Variants in ZNF273 observed in about 807,000 individuals in gnomAD.
ZNF273 encodes zinc finger protein 9.
A neutral mutation model predicts 14.9 loss-of-function variants in ZNF273; 11 were observed. That is an observed-to-expected ratio of 0.74 (90% CI 0.46 to 1.22). ZNF273 has a LOEUF of 1.22. Ranked by LOEUF, ZNF273 falls within the 50% of genes most tolerant of loss-of-function variation. ZNF273 has a pLI of 0.00. For synonymous variants in ZNF273, 199 were observed against 223.9 expected (o/e 0.89, Z 0.99); for missense variants, 577 against 660.6 (o/e 0.87, Z 1.39).
chr7:64,912,791 C>G (rs1470818026), intron 1 of ZNF273, among the ~76,000 whole-genome samples: 2 of 120,276 alleles, frequency 1.7e-5, no homozygotes, highest in East Asian at 4.7e-4. Flanking sequence ...CTAAATAAAC[C>G]CTTTGTTTTT....
chr7:64,909,327 C>T (rs887624443), intron 1 of ZNF273, among the ~76,000 whole-genome samples: 8 of 151,798 alleles, frequency 5.3e-5, no homozygotes, highest in African/African-American at 1.7e-4. Flanking sequence ...CAGGCTCGAG[C>T]GACTCTCCTG....
chr7:64,889,266 G>C (rs1791810364), downstream of ZNF273: 1 of 984,728 alleles, frequency 1.0e-6, no homozygotes, highest in Non-Finnish European at 1.2e-6. This position sits in a 1 kb window ranked among gnomAD's most constrained non-coding sequence, Gnocchi z 4.2. Flanking sequence ...CAAAGGGCCG[G>C]GAGGTCGGGC....
upstream of ZNF273, among the ~76,000 whole-genome samples, chr7:64,899,380 C>A (rs1016638044): frequency 6.6e-6 from 1 of 152,190 alleles, no homozygotes; most frequent in Non-Finnish European, 1.5e-5. Flanking sequence ...TTATGCCAGG[C>A]GCAGTGGCTC....
intron 3 of ZNF273, among the ~76,000 whole-genome samples, chr7:64,918,868 A>G (rs1022104035): frequency 6.6e-6 from 1 of 152,108 alleles, no homozygotes; most frequent in Non-Finnish European, 1.5e-5. Context: ...TATTCCTGGC[A>G]TATAGGAAAC....
At chr7:64,893,525 G>C (rs1013219591), downstream of ZNF273, 2 of 152,144 alleles carry the variant, frequency 1.3e-5, no homozygotes, top group Non-Finnish European at 2.9e-5. Context: ...TACTTCTCTG[G>C]CTCCCCTATT....
chr7:64,888,486 A>G, intron 1 of ZNF273: 2 of 985,844 alleles, frequency 2.0e-6, no homozygotes, highest in Non-Finnish European at 2.4e-6. Context: ...CCTCTGTCAA[A>G]TGGGCCCACG....
chr7:64,922,237 A>G (rs981477740), intron 3 of ZNF273, among the ~76,000 whole-genome samples: 6 of 151,536 alleles, frequency 4.0e-5, no homozygotes, highest in Non-Finnish European at 5.9e-5. Context: ...CAACCTTCCA[A>G]ACTCAGATGA....
chr7:64,916,450 C>T (rs900445972), intron 1 of ZNF273, among the ~76,000 whole-genome samples: 9 of 144,028 alleles, frequency 6.2e-5, no homozygotes, highest in Non-Finnish European at 1.2e-4. Flanking sequence ...GAGACTGAAG[C>T]AGGAGAATCG....
At chr7:64,923,412 G>T (rs1227746478) in intron 3 of ZNF273, 1 of 453,658 alleles carries the variant, frequency 2.2e-6, no homozygotes, top group Non-Finnish European at 4.4e-6. Context: ...GTGATCTTGG[G>T]TTACTGCAAC....
chr7:64,912,197 G>A (rs1793563507), intron 1 of ZNF273, among the ~76,000 whole-genome samples: 1 of 152,212 alleles, frequency 6.6e-6, no homozygotes, highest in Non-Finnish European at 1.5e-5. Context: ...GATCTGAGGT[G>A]ATTCGCCCGC....
downstream of ZNF273, among the ~76,000 whole-genome samples, chr7:64,890,283 G>C (rs943954877): frequency 6.7e-6 from 1 of 150,354 alleles, no homozygotes; most frequent in Admixed American, 6.7e-5. Flanking sequence ...TAGAGTAGGA[G>C]TGAACAGCAG....
intron 1 of ZNF273, among the ~76,000 whole-genome samples, chr7:64,909,467 G>A (rs1793340346): frequency 6.6e-6 from 1 of 152,000 alleles, no homozygotes; most frequent in Non-Finnish European, 1.5e-5. Flanking sequence ...GACCTCAAGT[G>A]ATCTGCCTAC....
At chr7:64,886,519 G>T (rs1485828763) in intron 1 of ZNF273, among the ~76,000 whole-genome samples, 1 of 152,204 alleles carries the variant, frequency 6.6e-6, no homozygotes, top group African/African-American at 2.4e-5. Context: ...GGCACCTGGT[G>T]CAGGGCTAAG....
rs1363478929 is a variant in ZNF273, at chr7:64,923,497, A to G, written c.326-4157A>G. 4 of 390,644 alleles carry G rather than the reference A, an allele frequency of 1.0e-5. No homozygotes were observed. The East Asian group carries it at 2.3e-4, about 22-fold the overall frequency. 24.2% of individuals were successfully genotyped at this position (390,644 alleles called of 1,614,324 possible). A position where few individuals can be genotyped will look rare whatever the true frequency, so the allele number is the denominator to read the frequency against. ...GCTGGGATTATAGGCGAGTGCCATC[A>G]TGCCCGGCTAATTTTTGTATTTTTA... On this transcript the variant is annotated intron_variant, in intron 3 of 3. Coordinates refer to ENST00000476120, the MANE Select transcript of ZNF273 (RefSeq NM_021148.3).
downstream of ZNF273, chr7:64,930,988 T>A (rs977232001): frequency 6.6e-6 from 1 of 152,178 alleles, no homozygotes; most frequent in African/African-American, 2.4e-5. Context: ...TGAATATTTT[T>A]AAAAATTTGT....
Position 64,912,846 on chromosome 7 carries a change from T to TTTTTTTTTTTTTTTTTTTTG in ZNF273, c.103-4735_103-4734insTTTTTTTTTTTTTTTTTTTG, listed in dbSNP as rs1562959220. ...TTTTAGTTTTTTTTTTTTTTTTTTT[T>TTTTTTTTTTTTTTTTTTTTG]GAGATTGAGTTTCGCTCTGTCATCC... On this transcript the variant is annotated intron_variant, in intron 1 of 3. Coordinates refer to ENST00000476120, the MANE Select transcript of ZNF273 (RefSeq NM_021148.3). Among the ~76,000 whole-genome samples the TTTTTTTTTTTTTTTTTTTTG allele has an allele frequency of 9.6e-4, 94 of 98,244 alleles. 12 individuals carry two copies. The highest frequency in any genetic ancestry group is 1.8e-3 in the Non-Finnish European group (72 of 39,236). The allele number at this position is 98,244 out of a possible 152,430, so 64.5% of individuals were successfully genotyped here.
chr7:64,882,375 C>G (rs564671899), downstream of ZNF273: 3 of 152,278 alleles, frequency 2.0e-5, no homozygotes, highest in African/African-American at 7.2e-5. Flanking sequence ...TATAGTCCCG[C>G]AATGGTAGTC....
At chr7:64,909,232 T>C (rs926147488) in intron 1 of ZNF273, among the ~76,000 whole-genome samples, 11 of 151,510 alleles carry the variant, frequency 7.3e-5, no homozygotes, top group Admixed American at 2.0e-4. Context: ...TTTTCTTCTT[T>C]TTTTTTTTTT....
chr7:64,883,786 A>G (rs1286212107), downstream of ZNF273, among the ~76,000 whole-genome samples: 1 of 151,906 alleles, frequency 6.6e-6, no homozygotes, highest in East Asian at 1.9e-4. Context: ...CCTGACTTCC[A>G]TTTTTCTCGT....
Sources: gnomAD v4.1 joint callset for allele counts (sites outside exome capture counted in the v4.1 genomes callset) on GRCh38, gnomAD v4.1.1 for gene constraint, Gnocchi (gnomAD v3.1) non-coding constraint, MANE v1.5 for transcripts, NCBI Gene and HGNC (gene_info 2026-07-23, HGNC 2026-07-21) for gene names.